The following STS variants were observed in gnomAD, a reference collection of about 807,000 sequenced individuals.
STS encodes steroid sulfatase.
STS carries 7 observed loss-of-function variants against 26.8 expected under a neutral mutation model. The ratio of observed to expected loss-of-function variants is 0.26; its 90% CI spans 0.15 to 0.49. The LOEUF is 0.49. Ranked by LOEUF, STS falls within the 20% of genes least tolerant of loss-of-function variation. The pLI is 0.98. For synonymous variants in STS, 199 were observed against 189.4 expected, an observed-to-expected ratio of 1.05 and a Z score of -0.42; for missense variants, 434 against 465.6, an observed-to-expected ratio of 0.93 and a Z score of 0.63.
intron 7 of STS, among the ~76,000 whole-genome samples, chrX:7,299,167 TTATA>T (rs1429909047): frequency 1.1e-5 from 1 of 95,171 alleles, no homozygotes; most frequent in Non-Finnish European, 2.0e-5. Context: ...TAATTAAAAT[TTATA>T]TATAAAGTAT....
intron 10 of STS, among the ~76,000 whole-genome samples, chrX:7,336,302 A>G (rs1408868763): frequency 1.0e-5 from 1 of 95,742 alleles, no homozygotes; most frequent in African/African-American, 3.8e-5. Flanking sequence ...CTTCTTCTTA[A>G]ACTTAGGGTG....
chrX:7,212,815 G>A (rs1007372070), intron 2 of STS, among the ~76,000 whole-genome samples: 11 of 112,160 alleles, frequency 9.8e-5, no homozygotes, highest in Middle Eastern at 4.2e-3. Context: ...TAAATTTTAT[G>A]CTTGCTGTGT....
At chrX:7,161,798 G>A (rs755224220) in intron 1 of STS, among the ~76,000 whole-genome samples, 1 of 111,612 alleles carries the variant, frequency 9.0e-6, no homozygotes, top group Admixed American at 9.5e-5. Flanking sequence ...GCTCCATTTC[G>A]TGTCATTTAC....
chrX:7,154,601 A>G (rs754225337), intron 1 of STS, among the ~76,000 whole-genome samples: 1 of 112,486 alleles, frequency 8.9e-6, no homozygotes, highest in Non-Finnish European at 1.9e-5. Context: ...GCCACAAGTC[A>G]TATACCTGAA....
intron 6 of STS, among the ~76,000 whole-genome samples, chrX:7,269,127 C>T (rs1924149275): frequency 1.0e-5 from 1 of 100,169 alleles, no homozygotes; most frequent in Non-Finnish European, 2.0e-5. Context: ...CTCCAGCCTG[C>T]ACAACAGAGC....
chrX:7,205,503 A>G (rs1324741628), intron 2 of STS, among the ~76,000 whole-genome samples: 1 of 111,790 alleles, frequency 8.9e-6, no homozygotes, highest in African/African-American at 3.3e-5. Flanking sequence ...CAGTGTATTC[A>G]CTGACTTTAT....
At chrX:7,299,307 AATTAT>A (rs1465849012) in intron 7 of STS, among the ~76,000 whole-genome samples, 1 of 98,708 alleles carries the variant, frequency 1.0e-5, no homozygotes, top group Non-Finnish European at 2.0e-5. Flanking sequence ...ATAAATATAT[AATTAT>A]ATTAATTAAA....
At chrX:7,234,392 T>C (rs1922217815) in intron 2 of STS, among the ~76,000 whole-genome samples, 1 of 112,359 alleles carries the variant, frequency 8.9e-6, no homozygotes, top group African/African-American at 3.2e-5. Context: ...CATTTCCTCC[T>C]AAGTCCAGAC....
intron 2 of STS, among the ~76,000 whole-genome samples, chrX:7,217,831 A>AT (rs1461512764): frequency 8.9e-6 from 1 of 112,101 alleles, no homozygotes; most frequent in Non-Finnish European, 1.9e-5. Flanking sequence ...TTAATATGAA[A>AT]ATATATTATG....
intron 10 of STS, among the ~76,000 whole-genome samples, chrX:7,339,590 T>C (rs1928189643): frequency 8.9e-6 from 1 of 112,455 alleles, no homozygotes; most frequent in African/African-American, 3.2e-5. Context: ...CTTGTAATTG[T>C]AGCAACACAG....
intron 3 of STS, among the ~76,000 whole-genome samples, chrX:7,256,022 G>C (rs1923391704): frequency 9.0e-6 from 1 of 111,434 alleles, no homozygotes; most frequent in Non-Finnish European, 1.9e-5. Context: ...CTGCTTGTCT[G>C]GTGGAGTATG....
chrX:7,253,239 G>A lies in STS; in HGVS notation c.40G>A (p.Ala14Thr), dbSNP rs1777030400. 8.3e-7 allele frequency: 1 copy of A among 1,209,561 alleles called. No homozygotes were observed. The highest frequency in any genetic ancestry group is 1.8e-5 in the African/African-American group (1 of 57,075). ...CCTCCTACTGTTCTTTCTGTGGGAA[G>A]CCGAGAGCCACGCAGCATCAAGGCC... Reference protein sequence around the residue: ...PFLLLFFLWEAESHAASRPNI... With the variant: ...PFLLLFFLWETESHAASRPNI... The change falls in exon 3 of 11, where the codon GCC becomes ACC. Residue 14 changes from alanine (A) to threonine (T), a missense_variant. Ala to Thr is a moderately conservative substitution (Grantham distance 58). Transcript: ENST00000674429.
At chrX:7,254,836 G>A (rs1601689135) in intron 3 of STS, among the ~76,000 whole-genome samples, 1 of 110,448 alleles carries the variant, frequency 9.1e-6, no homozygotes, top group Non-Finnish European at 1.9e-5. Context: ...ACCTGCCTCG[G>A]CCTCCCAAAG....
At chrX:7,171,582 A>G (rs1933467664) in intron 1 of STS, among the ~76,000 whole-genome samples, 1 of 111,896 alleles carries the variant, frequency 8.9e-6, no homozygotes, top group African/African-American at 3.2e-5. Context: ...ACCATCAACA[A>G]ACACAATTGC....
Position 7,275,937 on chromosome X carries a change from T to C in STS, c.807-14T>C. 8.7e-7 allele frequency: 1 copy of C among 1,149,140 alleles called. No individual in the cohort carries two copies. The highest frequency in any genetic ancestry group is 1.2e-6 in the Non-Finnish European group (1 of 868,587). 94.7% of individuals were successfully genotyped at this position (1,149,140 alleles called of 1,213,427 possible). Reference sequence around the variant, plus strand: ...GGTCTTTTTTTTCCTCCCTTTTTTTTTTTTTTTTTGCAGGAACACTGAGAC... The same window carrying C: ...GGTCTTTTTTTTCCTCCCTTTTTTTCTTTTTTTTTGCAGGAACACTGAGAC... On this transcript the variant is annotated splice_polypyrimidine_tract_variant and intron_variant, in intron 6 of 10. Transcript: ENST00000674429.
intron 7 of STS, among the ~76,000 whole-genome samples, chrX:7,299,373 C>T (rs1375629889): frequency 1.0e-5 from 1 of 98,176 alleles, no homozygotes; most frequent in Non-Finnish European, 2.0e-5. Context: ...AAAATTATAA[C>T]ATTCTATATA....
intron 1 of STS, among the ~76,000 whole-genome samples, chrX:7,188,340 A>G (rs1453118023): frequency 9.0e-6 from 1 of 111,499 alleles, no homozygotes; most frequent in Non-Finnish European, 1.9e-5. Flanking sequence ...TGGGCTGGAT[A>G]GTTCTTTGTC....
intron 10 of STS, among the ~76,000 whole-genome samples, chrX:7,349,470 G>A (rs1928689210): frequency 9.5e-6 from 1 of 105,143 alleles, no homozygotes; most frequent in East Asian, 3.0e-4. Context: ...TGAGTAGCTG[G>A]GATTACAGGG....
chrX:7,231,276 T>C (rs1360601251), intron 2 of STS, among the ~76,000 whole-genome samples: 1 of 112,341 alleles, frequency 8.9e-6, no homozygotes, highest in Non-Finnish European at 1.9e-5. Flanking sequence ...CTGACAGTTG[T>C]ACAACATTGT....
Sources: gnomAD v4.1 joint callset for allele counts (sites outside exome capture counted in the v4.1 genomes callset) on GRCh38, gnomAD v4.1.1 for gene constraint, MANE v1.5 for transcripts, NCBI Gene and HGNC (gene_info 2026-07-23, HGNC 2026-07-21) for gene names.